SUV39H2: variants seen among roughly 807,000 people sequenced by gnomAD.
The protein encoded by SUV39H2 is histone-lysine N-methyltransferase SUV39H2.
Under a neutral mutation model 47.5 loss-of-function variants are expected in SUV39H2, and 10 were observed. The ratio of observed to expected loss-of-function variants is 0.21; its 90% CI spans 0.13 to 0.36. The LOEUF (loss-of-function observed/expected upper bound fraction) is 0.36, where lower values mean the gene tolerates loss of function less well. Ranked by LOEUF, SUV39H2 falls within the 10% of genes least tolerant of loss-of-function variation. The pLI, the probability that SUV39H2 is intolerant of heterozygous loss-of-function variation, is 1.00. For missense variants in SUV39H2, 266 were observed against 487.4 expected (o/e 0.55, Z 4.28); for synonymous variants, 159 against 166.8 (o/e 0.95, Z 0.36).
At chr10:14,891,956 C>T (rs1833403108) in intron 2 of SUV39H2, among the ~76,000 whole-genome samples, 1 of 152,154 alleles carries the variant, frequency 6.6e-6, no homozygotes, top group Non-Finnish European at 1.5e-5. Flanking sequence ...CCTGAAATTA[C>T]CCAAAACGTT....
At chr10:14,880,411 G>T (rs1441244622) in intron 1 of SUV39H2, among the ~76,000 whole-genome samples, 2 of 152,200 alleles carry the variant, frequency 1.3e-5, no homozygotes, top group Non-Finnish European at 2.9e-5. Context: ...CTACCTTGGA[G>T]AGCTACCAAG....
intron 2 of SUV39H2, among the ~76,000 whole-genome samples, chr10:14,886,427 A>G (rs1296864281): frequency 6.6e-6 from 1 of 152,196 alleles, no homozygotes; most frequent in Admixed American, 6.5e-5. Context: ...GGTCTTGTTT[A>G]TATCAGATCT....
At chr10:14,883,969 C>T (rs1833127325) in intron 2 of SUV39H2, among the ~76,000 whole-genome samples, 1 of 152,122 alleles carries the variant, frequency 6.6e-6, no homozygotes, top group South Asian at 2.1e-4. Flanking sequence ...TTTCACTCAG[C>T]GTGTTTTCAG....
At chr10:14,892,925 T>C (rs1044683533) in intron 2 of SUV39H2, among the ~76,000 whole-genome samples, 1 of 151,342 alleles carries the variant, frequency 6.6e-6, no homozygotes, top group Non-Finnish European at 1.5e-5. Context: ...GTTCAAGCAG[T>C]TCTCCTGCCT....
At position 14,878,905 on chromosome 10, in the gene SUV39H2, C is replaced by T; in HGVS notation, c.17C>T (p.Ala6Val). The T allele has an allele frequency of 1.3e-6, 2 of 1,482,306 alleles. No individual in the cohort carries two copies. The highest frequency in any genetic ancestry group is 9.0e-7 in the Non-Finnish European group (1 of 1,114,560). 91.8% of individuals were successfully genotyped at this position (1,482,306 alleles called of 1,614,324 possible). A position where few individuals can be genotyped will look rare whatever the true frequency, so the allele number is the denominator to read the frequency against. ...CTCTACAAGATGGCGGCGGTCGGGG[C>T]CGAGGCGCGAGGAGGTGAGGCTGGA... MAAVGAEARGAWCVPC... is the reference protein window; with the variant it reads MAAVGVEARGAWCVPC... The change falls in exon 1 of 6, where the codon GCC becomes GTC. Residue 6 changes from alanine (A) to valine (V), a missense_variant. Physicochemically the swap from Ala to Val is moderately conservative, Grantham distance 64. Coordinates refer to ENST00000354919, the MANE Select transcript of SUV39H2 (RefSeq NM_001193424.2).
intron 2 of SUV39H2, 86 bp from the exon 3 acceptor site, chr10:14,896,760 C>T (rs1255509036): frequency 3.4e-6 from 4 of 1,179,302 alleles, no homozygotes; most frequent in Non-Finnish European, 4.7e-6. Flanking sequence ...GTATTGGATA[C>T]CTTACTCTTT....
At chr10:14,886,481 C>T (rs1473824281) in intron 2 of SUV39H2, among the ~76,000 whole-genome samples, 1 of 152,214 alleles carries the variant, frequency 6.6e-6, no homozygotes, top group Non-Finnish European at 1.5e-5. Flanking sequence ...GACTATGTCT[C>T]ATTTTAGTCC....
chr10:14,891,741 A>C (rs1833396343), intron 2 of SUV39H2, among the ~76,000 whole-genome samples: 1 of 152,190 alleles, frequency 6.6e-6, no homozygotes, highest in Admixed American at 6.5e-5. Context: ...AGGAATAAAG[A>C]AATAATCTGA....
chr10:14,889,826 T>C (rs569265476), intron 2 of SUV39H2, among the ~76,000 whole-genome samples: 3 of 152,328 alleles, frequency 2.0e-5, no homozygotes, highest in East Asian at 1.9e-4. Flanking sequence ...AGGGTGTTAA[T>C]TGTAGTAGTA....
chr10:14,891,804 C>T (rs1464945989), intron 2 of SUV39H2, among the ~76,000 whole-genome samples: 2 of 152,052 alleles, frequency 1.3e-5, no homozygotes, highest in East Asian at 1.9e-4. Context: ...AAGAACCATC[C>T]GGTAGGCTAT....
chr10:14,896,320 G>A (rs781154788), intron 2 of SUV39H2, among the ~76,000 whole-genome samples: 1 of 152,142 alleles, frequency 6.6e-6, no homozygotes, highest in South Asian at 2.1e-4. Flanking sequence ...TATGTGGCTC[G>A]TAATAACCGT....
intron 3 of SUV39H2, 90 bp from the exon 4 acceptor site, chr10:14,899,449 T>C (rs1469009845): frequency 2.9e-6 from 4 of 1,367,150 alleles, no homozygotes; most frequent in Non-Finnish European, 4.0e-6. Flanking sequence ...TTTTTAAATA[T>C]TTGTAGGTAT....
At chr10:14,893,224 C>T (rs1302726919) in intron 2 of SUV39H2, among the ~76,000 whole-genome samples, 1 of 151,506 alleles carries the variant, frequency 6.6e-6, no homozygotes, top group Non-Finnish European at 1.5e-5. Context: ...AGGATGGTCT[C>T]GATCTCCTGA....
Position 14,892,848 on chromosome 10 carries a change from G to A in SUV39H2, c.178-3998G>A, listed in dbSNP as rs143503705. On this transcript the variant is annotated intron_variant, in intron 2 of 5. Transcript: ENST00000354919. ...TTTTTTTTTGGAGACGGGGTCTCGC[G>A]CTGTCACTCAGACTGGGCTGGAGTG... 3.1e-3 allele frequency among the ~76,000 whole-genome samples: 469 copies of A among 149,210 alleles called. 3 individuals carry two copies. Among genetic ancestry groups the A allele is most frequent in the African/African-American group, 0.01 (408 of 40,484 alleles).
At position 14,878,917 on chromosome 10, in the gene SUV39H2, G is replaced by C; in HGVS notation, c.29G>C (p.Gly10Ala). 6.8e-7 allele frequency: 1 copy of C among 1,478,688 alleles called. No individual in the cohort carries two copies. Among genetic ancestry groups the C allele is most frequent in the Non-Finnish European group, 9.0e-7 (1 of 1,112,454 alleles). 91.6% of individuals were successfully genotyped at this position (1,478,688 alleles called of 1,614,324 possible). MAAVGAEARGAWCVPCLVSL... is the reference protein window; with the variant it reads MAAVGAEARAAWCVPCLVSL... ...GCGGCGGTCGGGGCCGAGGCGCGAGGAGGTGAGGCTGGAGCGCGGCCCCCT... is the reference window on the plus strand; with the variant it reads ...GCGGCGGTCGGGGCCGAGGCGCGAGCAGGTGAGGCTGGAGCGCGGCCCCCT... The change falls in exon 1 of 6, where the codon GGA (glycine) becomes GCA (alanine). Residue 10 changes from glycine to alanine, a missense_variant and splice_region_variant. By Grantham distance (60) the Gly-to-Ala change is moderately conservative. Coordinates refer to ENST00000354919, the MANE Select transcript of SUV39H2 (RefSeq NM_001193424.2).
chr10:14,899,093 G>A, intron 3 of SUV39H2: 1 of 623,082 alleles, frequency 1.6e-6, no homozygotes, highest in East Asian at 2.7e-5. Flanking sequence ...GTCAAGGCTG[G>A]AGGCTCACTT....
At chr10:14,888,773 C>T (rs1024360749) in intron 2 of SUV39H2, among the ~76,000 whole-genome samples, 2 of 151,944 alleles carry the variant, frequency 1.3e-5, no homozygotes, top group African/African-American at 2.4e-5. Context: ...CACTGATGCC[C>T]TTAGAGCACC....
Position 14,878,897 on chromosome 10 carries a change from G to A in SUV39H2, c.9G>A (p.Ala3=), listed in dbSNP as rs1201240605. 2.0e-6 allele frequency: 3 copies of A among 1,484,298 alleles called. No homozygotes were observed. Among genetic ancestry groups the A allele is most frequent in the South Asian group, 1.3e-5 (1 of 75,028 alleles). 91.9% of individuals were successfully genotyped at this position (1,484,298 alleles called of 1,614,324 possible). A position where few individuals can be genotyped will look rare whatever the true frequency, so the allele number is the denominator to read the frequency against. ...AATGAAAGCTCTACAAGATGGCGGC[G>A]GTCGGGGCCGAGGCGCGAGGAGGTG... MA[A]VGAEARGAWC... The change falls in exon 1 of 6, where the codon GCG becomes GCA. Residue 3 remains alanine, a synonymous_variant. Transcript: ENST00000354919.
intron 3 of SUV39H2, chr10:14,899,090 CTGGAGGCTCACTTG>C: frequency 1.6e-6 from 1 of 622,758 alleles, no homozygotes; most frequent in Non-Finnish European, 2.9e-6. Context: ...GAGGTCAAGG[CTGGAGGCTCACTTG>C]AGCCCAGGAG....
Sources: gnomAD v4.1 joint callset for allele counts (sites outside exome capture counted in the v4.1 genomes callset) on GRCh38, gnomAD v4.1.1 for gene constraint, MANE v1.5 for transcripts, NCBI Gene and HGNC (gene_info 2026-07-23, HGNC 2026-07-21) for gene names.